INO80: variants seen among roughly 807,000 people sequenced by gnomAD.
The protein encoded by INO80 is chromatin-remodeling ATPase INO80.
INO80 carries 20 observed loss-of-function variants against 203.4 expected under a neutral mutation model. That is an observed-to-expected ratio of 0.10 (90% CI 0.07 to 0.14). The LOEUF (loss-of-function observed/expected upper bound fraction) is 0.14, where lower values mean the gene tolerates loss of function less well. Ranked by LOEUF, INO80 falls within the 10% of genes least tolerant of loss-of-function variation. INO80 has a pLI of 1.00. For missense variants in INO80, 1,419 were observed against 1,914.4 expected, an observed-to-expected ratio of 0.74 and a Z score of 4.83; for synonymous variants, 726 against 685.2, an observed-to-expected ratio of 1.06 and a Z score of -0.93.
At chr15:41,061,803 G>T (rs2045115197) in intron 14 of INO80, among the ~76,000 whole-genome samples, 1 of 152,062 alleles carries the variant, frequency 6.6e-6, no homozygotes, top group African/African-American at 2.4e-5. Context: ...TTAATGAATG[G>T]ATCTAATGAC....
At chr15:41,010,919 T>A (rs2044125975) in intron 27 of INO80, among the ~76,000 whole-genome samples, 1 of 152,210 alleles carries the variant, frequency 6.6e-6, no homozygotes, top group African/African-American at 2.4e-5. Context: ...TTGGGGTATA[T>A]CATTAGCAAA....
In INO80 at chr15:41,005,588, A is replaced by G. The variant is rs1417105223; in HGVS notation, c.3497+5T>C. Reference sequence around the variant, plus strand: ...GATAATTTTTGTAATTCCCATGAACATTACCTGTTCTGAAAATCAGCAACC... The same window carrying G: ...GATAATTTTTGTAATTCCCATGAACGTTACCTGTTCTGAAAATCAGCAACC... On this transcript the variant is annotated splice_donor_5th_base_variant and intron_variant, in intron 28 of 35. Transcript: ENST00000648947. 1.3e-6 allele frequency: 2 copies of G among 1,521,000 alleles called. No homozygotes were observed. Among genetic ancestry groups the G allele is most frequent in the South Asian group, 1.1e-5 (1 of 88,224 alleles). 94.2% of individuals were successfully genotyped at this position (1,521,000 alleles called of 1,614,324 possible). A position where few individuals can be genotyped will look rare whatever the true frequency, so the allele number is the denominator to read the frequency against.
rs571370041 is a variant in INO80, at chr15:41,096,249, T to C, written c.62A>G (p.Tyr21Cys). 5.0e-6 allele frequency: 8 copies of C among 1,612,504 alleles called. No individual in the cohort carries two copies. In the South Asian group the frequency reaches 5.5e-5, roughly 11 times the overall value. ...GGCTELAKPLYLQYLERALRL... is the reference protein window; with the variant it reads ...GGCTELAKPLCLQYLERALRL... ...GAGGGCCCTCTCCAAGTACTGAAGATAGAGGGGCTTTGCCAGCTCAGTGCA... is the reference window on the plus strand; with the variant it reads ...GAGGGCCCTCTCCAAGTACTGAAGACAGAGGGGCTTTGCCAGCTCAGTGCA... The change falls in exon 2 of 36, where the codon TAT becomes TGT. Residue 21 changes from tyrosine (Y) to cysteine (C), a missense_variant. By Grantham distance (194) the Tyr-to-Cys change is radical. Around this residue, in one of 9 missense-constraint regions of INO80, gnomAD observed 323 missense variants for 325.4 expected, o/e 0.99. Transcript: ENST00000648947.
intron 29 of INO80, among the ~76,000 whole-genome samples, chr15:40,992,258 T>C (rs1341092997): frequency 6.6e-6 from 1 of 152,196 alleles, no homozygotes; most frequent in Non-Finnish European, 1.5e-5. Context: ...TCACTACACA[T>C]AAGCATTTAA....
intron 14 of INO80, among the ~76,000 whole-genome samples, chr15:41,061,011 A>G (rs946595332): frequency 6.6e-6 from 1 of 152,210 alleles, no homozygotes; most frequent in East Asian, 1.9e-4. Context: ...TAAAAATATT[A>G]AAAACAGACT....
intron 27 of INO80, among the ~76,000 whole-genome samples, chr15:41,010,596 G>A (rs1321537062): frequency 6.6e-6 from 1 of 151,958 alleles, no homozygotes; most frequent in Admixed American, 6.6e-5. Context: ...CAGATGGAAG[G>A]GATGATCAGT....
chr15:41,091,652 T>C (rs550570036), intron 5 of INO80, among the ~76,000 whole-genome samples: 501 of 48,938 alleles, frequency 0.01, 4 homozygotes, highest in African/African-American at 0.058. Flanking sequence ...ATGTATCTCT[T>C]TTTTTTTTTT....
intron 6 of INO80, 125 bp from the exon 7 acceptor site, chr15:41,085,708 A>ATCTACTC (rs1288982431): frequency 1.5e-6 from 1 of 676,258 alleles, no homozygotes; most frequent in African/African-American, 1.8e-5. Context: ...ATATCCCTTT[A>ATCTACTC]TCTACTCAGA....
At chr15:41,055,411 C>A in intron 17 of INO80, 47 bp from the exon 18 acceptor site, 1 of 1,295,166 alleles carries the variant, frequency 7.7e-7, no homozygotes, top group Non-Finnish European at 1.1e-6. Flanking sequence ...AATAAAATGA[C>A]AGCGTGTAAG....
At chr15:40,983,142 A>T in intron 34 of INO80, 65 bp from the exon 35 acceptor site, 4 of 1,332,728 alleles carry the variant, frequency 3.0e-6, no homozygotes, top group Non-Finnish European at 4.2e-6. Flanking sequence ...AGATGTTAAC[A>T]TCACCTTCTC....
chr15:41,093,447 G>C (rs2045675126), intron 4 of INO80, among the ~76,000 whole-genome samples: 1 of 151,886 alleles, frequency 6.6e-6, no homozygotes, highest in South Asian at 2.1e-4. Context: ...AAAGAAAATG[G>C]AGAGTGACTG....
At chr15:41,062,088 GA>G (rs2045121645) in intron 14 of INO80, among the ~76,000 whole-genome samples, 1 of 151,966 alleles carries the variant, frequency 6.6e-6, no homozygotes. Context: ...TATACAATAT[GA>G]AAAAATCTAA....
rs373918636 is a variant in INO80 at position 40,985,290 on chromosome 15, T to C, written c.3921+48A>G. 4 of 1,384,418 alleles carry C rather than the reference T, an allele frequency of 2.9e-6. No homozygotes were observed. In the African/African-American group the frequency reaches 4.3e-5, roughly 15 times the overall value. 85.8% of individuals were successfully genotyped at this position (1,384,418 alleles called of 1,614,324 possible). The stretch of plus-strand genomic sequence containing the variant: ...TGTACCCCAAAGCCTTTTTGGTAAG[T>C]ACCCCAGGCCCCATTAGCCCCTATC... On this transcript the variant is annotated intron_variant, in intron 32 of 35. Coordinates refer to ENST00000648947, the MANE Select transcript of INO80 (RefSeq NM_017553.3).
At chr15:41,073,258 A>G (rs1268460695) in intron 11 of INO80, among the ~76,000 whole-genome samples, 170 bp downstream of exon 11, 1 of 152,182 alleles carries the variant, frequency 6.6e-6, no homozygotes, top group East Asian at 1.9e-4. Flanking sequence ...ATCTAAAGTG[A>G]AAGAGACCCA....
intron 24 of INO80, among the ~76,000 whole-genome samples, chr15:41,040,487 G>A (rs893841637): frequency 3.9e-5 from 6 of 152,134 alleles, no homozygotes; most frequent in South Asian, 2.1e-4. Flanking sequence ...TTCAATAAAC[G>A]GGATATGGAG....
intron 29 of INO80, 36 bp from the exon 30 acceptor site, chr15:40,988,010 G>T: frequency 6.4e-7 from 1 of 1,572,226 alleles, no homozygotes; most frequent in African/African-American, 1.4e-5. Context: ...AGCACTCTTA[G>T]GGAAGGACCA....
At chr15:41,104,359 C>T (rs2045851657) in intron 1 of INO80, among the ~76,000 whole-genome samples, 1 of 152,050 alleles carries the variant, frequency 6.6e-6, no homozygotes. Context: ...TGAACTCTGG[C>T]TCATTATCCT....
intron 29 of INO80, among the ~76,000 whole-genome samples, chr15:40,988,472 A>G (rs1008904839): frequency 6.6e-6 from 1 of 152,188 alleles, no homozygotes; most frequent in Non-Finnish European, 1.5e-5. Flanking sequence ...ACTGCTCCCA[A>G]CTATTCACAA....
At chr15:41,099,480 G>T (rs2045775749) in intron 1 of INO80, among the ~76,000 whole-genome samples, 1 of 151,842 alleles carries the variant, frequency 6.6e-6, no homozygotes, top group South Asian at 2.1e-4. Flanking sequence ...AAAGAAAAAA[G>T]AATGCTAAAA....
Sources: allele counts gnomAD v4.1 joint callset (sites outside exome capture counted in the v4.1 genomes callset), GRCh38; gene constraint gnomAD v4.1.1; regional missense constraint gnomAD v4.1.1; transcripts MANE v1.5; gene names NCBI Gene and HGNC (gene_info 2026-07-23, HGNC 2026-07-21).